The following ADAMTSL5 variants were observed in gnomAD, a reference collection of about 807,000 sequenced individuals.
The protein encoded by ADAMTSL5 is ADAMTS like 5.
Under a neutral mutation model 51.7 loss-of-function variants are expected in ADAMTSL5, and 53 were observed. The ratio of observed to expected loss-of-function variants is 1.03; its 90% CI spans 0.82 to 1.29. ADAMTSL5 has a LOEUF of 1.29. ADAMTSL5 is among the 50% of genes most tolerant of loss of function. The pLI, the probability that ADAMTSL5 is intolerant of heterozygous loss-of-function variation, is 0.00. For missense variants in ADAMTSL5, 770 were observed against 676.2 expected, an observed-to-expected ratio of 1.14 and a Z score of -1.54; for synonymous variants, 285 against 278.7, an observed-to-expected ratio of 1.02 and a Z score of -0.23.
chr19:1,506,920 C>G lies in ADAMTSL5; in HGVS notation c.861G>C (p.Leu287=), dbSNP rs1199205715. 1 of 1,547,868 alleles carries G rather than the reference C, an allele frequency of 6.5e-7. No individual in the cohort carries two copies. ...TSHDLLLQVL[L]QEPNPGIEFE... ...ACTCGATGCCAGGGTTGGGCTCCTG[C>G]AGGAGGACCTGGAGCAGGGGAGGGG... Residue 287 remains leucine (L), a synonymous_variant, in exon 10 of 12, where the codon CTG becomes CTC. Coordinates refer to ENST00000330475, the MANE Select transcript of ADAMTSL5 (RefSeq NM_213604.3). This position sits in a 1 kb window ranked among gnomAD's most constrained non-coding sequence, Gnocchi z 5.6.
At position 1,507,586 on chromosome 19, in the gene ADAMTSL5, C is replaced by A. The variant is rs138308068; in HGVS notation, c.659G>T (p.Arg220Leu). 0.01 allele frequency: 16,155 copies of A among 1,613,454 alleles called. 119 individuals carry two copies. Among genetic ancestry groups the A allele is most frequent in the Non-Finnish European group, 0.013 (14,857 of 1,179,984 alleles). The change falls in exon 8 of 12, where the codon CGC becomes CTC. Residue 220 changes from arginine to leucine, a missense_variant. Coordinates refer to ENST00000330475, the MANE Select transcript of ADAMTSL5 (RefSeq NM_213604.3). ...GTGGTTGCGGCTCCTGTGTTCCACG[C>A]GGATGTGTCTGGCGCCCTCGGGGAT... The part of the protein sequence containing the change: ...TLIPEGARHI[R>L]VEHRSRNHLA...
intron 5 of ADAMTSL5, among the ~76,000 whole-genome samples, chr19:1,509,942 T>C (rs1913170027): frequency 6.6e-6 from 1 of 152,170 alleles, no homozygotes; most frequent in African/African-American, 2.4e-5. Context: ...TAGTTGGGTG[T>C]TCAGCCCTGT....
At chr19:1,508,320 G>C in intron 6 of ADAMTSL5, 123 bp downstream of exon 6, 1 of 1,032,380 alleles carries the variant, frequency 9.7e-7, no homozygotes, top group Non-Finnish European at 1.3e-6. Flanking sequence ...AGGGGAGGGG[G>C]AAGGCGGTGG....
chr19:1,509,254 C>CAAAAAAAAAA (rs753778097), intron 5 of ADAMTSL5, among the ~76,000 whole-genome samples: 2 of 49,550 alleles, frequency 4.0e-5, no homozygotes, highest in African/African-American at 9.9e-5. Flanking sequence ...GACTCCATCT[C>CAAAAAAAAAA]AAAAAAAAAA....
At chr19:1,511,203 A>G in intron 1 of ADAMTSL5, 43 bp from the exon 2 acceptor site, 1 of 251,580 alleles carries the variant, frequency 4.0e-6, no homozygotes, top group Non-Finnish European at 7.5e-6. Flanking sequence ...TTTGAGACGG[A>G]GTCTCGCTCT....
intron 6 of ADAMTSL5, 79 bp from the exon 7 acceptor site, chr19:1,508,188 A>G (rs1161638238): frequency 1.1e-5 from 16 of 1,445,468 alleles, no homozygotes; most frequent in South Asian, 7.4e-5. Context: ...CCTGGGAGCA[A>G]GAGGACGAGG....
In ADAMTSL5 at chr19:1,508,479, C is replaced by A; in HGVS notation, c.453G>T (p.Pro151=). ...GRVLDGTACS[P]GAQGVCVAGR... ...CAGCCACGCAGACCCCCTGGGCACC[C>A]GGGCTGCAGGCGGTGCCGTCCAGGA... The change falls in exon 6 of 12, where the codon CCG becomes CCT. Residue 151 remains proline (P), a synonymous_variant. Coordinates refer to ENST00000330475, the MANE Select transcript of ADAMTSL5 (RefSeq NM_213604.3). 6.3e-7 allele frequency: 1 copy of A among 1,582,800 alleles called. No homozygotes were observed.
At position 1,506,228 on chromosome 19, in the gene ADAMTSL5, C is replaced by T. The variant is rs758792624; in HGVS notation, c.1203G>A (p.Ser401=). The part of the protein sequence containing the change: ...VRIQLVYKNR[S]PLRAREYVWA... ...ACACGTACTCGCGTGCCCGCAGTGG[C>T]GAGCGGTTCTTGTAGACGAGCTGGA... Residue 401 remains serine, a synonymous_variant, in exon 12 of 12, where the codon TCG becomes TCA. Coordinates refer to ENST00000330475, the MANE Select transcript of ADAMTSL5 (RefSeq NM_213604.3). The surrounding 1 kb of genome is among the most constrained non-coding windows in gnomAD (Gnocchi z 5.6). The T allele has an allele frequency of 1.3e-5, 20 of 1,596,372 alleles. No homozygotes were observed. Among genetic ancestry groups the T allele is most frequent in the Admixed American group, 3.4e-5 (2 of 58,308 alleles).
chr19:1,508,784 C>A, intron 5 of ADAMTSL5: 1 of 475,870 alleles, frequency 2.1e-6, no homozygotes, highest in South Asian at 4.0e-5. Context: ...GGGCTGCATT[C>A]ATTCATTCAT....
rs755037098 is a variant in ADAMTSL5 at position 1,506,050 on chromosome 19, G to A, written c.1381C>T (p.Arg461Cys). The change falls in exon 12 of 12, where the codon CGC (arginine) becomes TGC (cysteine). Residue 461 changes from arginine (R) to cysteine (C), a missense_variant. By Grantham distance (180) the Arg-to-Cys change is radical. Coordinates refer to ENST00000330475, the MANE Select transcript of ADAMTSL5 (RefSeq NM_213604.3). This position sits in a 1 kb window ranked among gnomAD's most constrained non-coding sequence, Gnocchi z 5.6. The part of the protein sequence containing the change: ...ARPWSPAEDS[R>C]IRLTARRCPG ...CAGCGCCGGGCAGTCAGGCGTATGC[G>A]GCTGTCCTCCGCAGGGCTCCAGGGC... The A allele has an allele frequency of 6.5e-5, 103 of 1,589,246 alleles. No individual in the cohort carries two copies. Among genetic ancestry groups the A allele is most frequent in the Middle Eastern group, 3.7e-4 (2 of 5,418 alleles).
Position 1,508,009 on chromosome 19 carries a change from AAC to A in ADAMTSL5, c.588_589del (p.Phe197SerfsTer2), listed in dbSNP as rs1489547768. 5 of 1,600,170 alleles carry A rather than the reference AAC, an allele frequency of 3.1e-6. No individual in the cohort carries two copies. Among genetic ancestry groups the A allele is most frequent in the Non-Finnish European group, 4.3e-6 (5 of 1,174,184 alleles). On this transcript the variant is annotated frameshift_variant, in exon 7 of 12. Coordinates refer to ENST00000330475, the MANE Select transcript of ADAMTSL5 (RefSeq NM_213604.3). LOFTEE classifies it high-confidence loss of function. ...GGGCAGGTAGTCACCGGCGTCACGA[AAC>A]ACGCGCTGCACGAAAAGGCACGAGT...
At chr19:1,508,647 A>G in intron 5 of ADAMTSL5, 77 bp from the exon 6 acceptor site, 1 of 1,434,324 alleles carries the variant, frequency 7.0e-7, no homozygotes, top group South Asian at 1.4e-5. Flanking sequence ...TCATCAGGCA[A>G]CCATCACTTT....
rs1568242371 is a variant in ADAMTSL5, at chr19:1,508,014, G to A, written c.585C>T (p.Arg195=). 6.2e-7 allele frequency: 1 copy of A among 1,601,860 alleles called. No homozygotes were observed. Among genetic ancestry groups the A allele is most frequent in the South Asian group, 1.1e-5 (1 of 89,314 alleles). The stretch of plus-strand genomic sequence containing the variant: ...GGTAGTCACCGGCGTCACGAAACAC[G>A]CGCTGCACGAAAAGGCACGAGTCGT... The part of the protein sequence containing the change: ...GANDSCLFVQ[R]VFRDAGAFAG... Residue 195 remains arginine (R), a synonymous_variant, in exon 7 of 12, where the codon CGC becomes CGT. Transcript: ENST00000330475.
chr19:1,507,804 T>C (rs1183190687), intron 7 of ADAMTSL5, among the ~76,000 whole-genome samples, 161 bp from the exon 8 acceptor site: 2 of 152,046 alleles, frequency 1.3e-5, no homozygotes, highest in East Asian at 3.9e-4. Context: ...ATTGCTTCAG[T>C]GTGGCAGGGA....
intron 4 of ADAMTSL5, 29 bp from the exon 5 acceptor site, chr19:1,510,287 C>A (rs1913190368): frequency 6.2e-7 from 1 of 1,612,986 alleles, no homozygotes; most frequent in Non-Finnish European, 8.5e-7. Flanking sequence ...GAGCCAGAGG[C>A]TGGGACAACC....
intron 5 of ADAMTSL5, among the ~76,000 whole-genome samples, chr19:1,509,424 A>C (rs1001762323): frequency 7.9e-5 from 12 of 152,164 alleles, no homozygotes; most frequent in African/African-American, 2.4e-4. Context: ...AAGTGGGGCA[A>C]AATGAGCTGT....
chr19:1,506,825 A>AG lies in ADAMTSL5; in HGVS notation c.955dup (p.Leu319ProfsTer37), dbSNP rs1157530659. On this transcript the variant is annotated frameshift_variant, in exon 10 of 12. Coordinates refer to ENST00000330475, the MANE Select transcript of ADAMTSL5 (RefSeq NM_213604.3). LOFTEE classifies it high-confidence loss of function. This position sits in a 1 kb window ranked among gnomAD's most constrained non-coding sequence, Gnocchi z 5.6. ...CACCCCCCGGGGCTGAGGCTGCCTCAGGGGCCAGCCCAGGGCCTGCACACG... is the reference window on the plus strand; with the variant it reads ...CACCCCCCGGGGCTGAGGCTGCCTCAGGGGGCCAGCCCAGGGCCTGCACACG... 6.5e-7 allele frequency: 1 copy of AG among 1,540,812 alleles called. No homozygotes were observed. The highest frequency in any genetic ancestry group is 1.4e-5 in the African/African-American group (1 of 72,448).
At chr19:1,510,076 C>A in intron 5 of ADAMTSL5, 74 bp downstream of exon 5, 1 of 1,262,208 alleles carries the variant, frequency 7.9e-7, no homozygotes, top group South Asian at 1.5e-5. Flanking sequence ...TGCAACCCTC[C>A]AAGACCCTCT....
At position 1,511,888 on chromosome 19, in the gene ADAMTSL5, C is replaced by G. The variant is rs902380353; in HGVS notation, c.-217-728G>C. 7 of 279,780 alleles carry G rather than the reference C, an allele frequency of 2.5e-5. 1 individual carries two copies. Among genetic ancestry groups the G allele is most frequent in the Non-Finnish European group, 5.1e-5 (7 of 136,342 alleles). 17.3% of individuals were successfully genotyped at this position (279,780 alleles called of 1,614,324 possible). ...GGGGGTGACCTGGCCCAGGTCCGTT[C>G]GGTGCCTCATGGCCTCATCGGCGGA... On this transcript the variant is annotated intron_variant, in intron 1 of 11. Coordinates refer to ENST00000330475, the MANE Select transcript of ADAMTSL5 (RefSeq NM_213604.3).
Sources: gnomAD v4.1 joint callset for allele counts (sites outside exome capture counted in the v4.1 genomes callset) on GRCh38, gnomAD v4.1.1 for gene constraint, Gnocchi (gnomAD v3.1) non-coding constraint, MANE v1.5 for transcripts, NCBI Gene and HGNC (gene_info 2026-07-23, HGNC 2026-07-21) for gene names.